ROBO1: variants seen among roughly 807,000 people sequenced by gnomAD.
ROBO1 encodes roundabout homolog 1.
A neutral mutation model predicts 195.9 loss-of-function variants in ROBO1; 149 were observed. That is an observed-to-expected ratio of 0.76 (90% confidence interval 0.67 to 0.87). The LOEUF (loss-of-function observed/expected upper bound fraction) is 0.87, where lower values mean the gene tolerates loss of function less well. Among genes scored for constraint, ROBO1 ranks in the 40% least tolerant of loss-of-function variants. The pLI is 0.00. For missense variants in ROBO1, 1,933 were observed against 2,068.3 expected (o/e 0.93, Z 1.27); for synonymous variants, 816 against 733.2 (o/e 1.11, Z -1.82).
chr3:78,747,096 G>A (rs2082676569), intron 4 of ROBO1, among the ~76,000 whole-genome samples, 196 bp from the exon 5 acceptor site: 1 of 152,100 alleles, frequency 6.6e-6, no homozygotes, highest in Non-Finnish European at 1.5e-5. Context: ...ATACACAGAA[G>A]GGATAATTTG....
chr3:78,671,351 A>T (rs1708055117), intron 10 of ROBO1, among the ~76,000 whole-genome samples: 1 of 152,034 alleles, frequency 6.6e-6, no homozygotes. Context: ...TTAAATATTC[A>T]ACTTGAAAAT....
intron 2 of ROBO1, among the ~76,000 whole-genome samples, chr3:79,447,020 G>A (rs1013450943): frequency 9.2e-5 from 14 of 151,498 alleles, no homozygotes; most frequent in Non-Finnish European, 1.3e-4. Flanking sequence ...TAGTAGAGAC[G>A]GGGTTTCACC....
At chr3:78,794,504 A>T (rs2108542842) in intron 4 of ROBO1, among the ~76,000 whole-genome samples, 1 of 152,330 alleles carries the variant, frequency 6.6e-6, no homozygotes, top group African/African-American at 2.4e-5. Context: ...AAGGCAAGTT[A>T]CAAGGCATAC....
intron 9 of ROBO1, 74 bp from the exon 10 acceptor site, chr3:78,685,991 G>A (rs1042671319): frequency 1.3e-5 from 16 of 1,219,222 alleles, no homozygotes; most frequent in Non-Finnish European, 1.5e-5. Flanking sequence ...TGGCACTTAT[G>A]CATTTACATG....
chr3:79,701,100 T>G (rs886453655), intron 1 of ROBO1, among the ~76,000 whole-genome samples: 1 of 151,894 alleles, frequency 6.6e-6, no homozygotes, highest in Non-Finnish European at 1.5e-5. Context: ...ACATTTTTTA[T>G]TTTTGTCAAC....
At chr3:78,747,649 A>G (rs2082689397) in intron 4 of ROBO1, among the ~76,000 whole-genome samples, 2 of 152,182 alleles carry the variant, frequency 1.3e-5, no homozygotes, top group South Asian at 4.1e-4. Flanking sequence ...TATTAATTCT[A>G]ATTGTACTAC....
intron 2 of ROBO1, among the ~76,000 whole-genome samples, chr3:79,577,252 C>T (rs369580584): frequency 1.3e-5 from 2 of 151,988 alleles, no homozygotes; most frequent in East Asian, 1.9e-4. Context: ...TTCTTTTTAG[C>T]GTCATTTATT....
At chr3:78,969,044 C>T (rs543169216) in intron 3 of ROBO1, among the ~76,000 whole-genome samples, 2 of 152,278 alleles carry the variant, frequency 1.3e-5, no homozygotes, top group Admixed American at 6.5e-5. Context: ...AAGCTGAAAT[C>T]ATCTGATTTT....
At chr3:79,758,692 G>A (rs1268580442) in intron 1 of ROBO1, among the ~76,000 whole-genome samples, 1 of 152,190 alleles carries the variant, frequency 6.6e-6, no homozygotes, top group Admixed American at 6.5e-5. Context: ...GTTGGAAACA[G>A]AGTGGTGTGT....
intron 1 of ROBO1, among the ~76,000 whole-genome samples, chr3:79,735,132 G>GGAA (rs1160538527): frequency 6.6e-6 from 1 of 152,194 alleles, no homozygotes; most frequent in Non-Finnish European, 1.5e-5. Context: ...TGCATCATCT[G>GGAA]GAAGAAACTG....
rs78849441 is a variant in ROBO1, at chr3:79,040,103, T to G, written c.172+85353A>C. 6.6e-4 allele frequency among the ~76,000 whole-genome samples: 101 copies of G among 152,278 alleles called. No individual in the cohort carries two copies. In the East Asian group the frequency reaches 0.014, roughly 21 times the overall value. On this transcript the variant is annotated intron_variant, in intron 3 of 30. Transcript: ENST00000464233. ...GAGAAATATAAGAATTTCTTTCTGA[T>G]CTAGGCTCTCAAAGGACTTCCATTT...
At chr3:78,963,658 T>A (rs972003508) in intron 3 of ROBO1, among the ~76,000 whole-genome samples, 4 of 151,514 alleles carry the variant, frequency 2.6e-5, no homozygotes, top group Non-Finnish European at 4.4e-5. Context: ...AGCTGGGACT[T>A]CAGGCGCCGC....
chr3:79,546,366 T>C (rs1942264432), intron 2 of ROBO1, among the ~76,000 whole-genome samples: 1 of 152,174 alleles, frequency 6.6e-6, no homozygotes, highest in Admixed American at 6.5e-5. Context: ...TGCATGGAGT[T>C]GGTGCCTATA....
intron 2 of ROBO1, among the ~76,000 whole-genome samples, chr3:79,243,983 A>C (rs1164430424): frequency 1.3e-5 from 2 of 152,104 alleles, no homozygotes; most frequent in Admixed American, 1.3e-4. Context: ...TTAAGTCTTT[A>C]ATCCATCTTG....
chr3:79,193,460 C>T lies in ROBO1; in HGVS notation c.89-67921G>A, dbSNP rs529182658. Among the ~76,000 whole-genome samples the T allele has an allele frequency of 4.6e-5, 7 of 151,546 alleles. No homozygotes were observed. The South Asian group carries it at 1.2e-3, about 27-fold the overall frequency. ...AAATCACCAGCTAGTCAGTGCAGAG[C>T]CAGAGGTAGAACAATGGCAGTCAGG... On this transcript the variant is annotated intron_variant, in intron 2 of 30. Transcript: ENST00000464233.
chr3:78,642,767 C>T (rs147679890), intron 21 of ROBO1, among the ~76,000 whole-genome samples: 17 of 152,202 alleles, frequency 1.1e-4, no homozygotes, highest in African/African-American at 3.9e-4. Flanking sequence ...AGTTGGGAAG[C>T]AGTCTCTTTG....
intron 4 of ROBO1, among the ~76,000 whole-genome samples, chr3:78,927,852 A>C (rs2107630815): frequency 6.6e-6 from 1 of 152,330 alleles, no homozygotes; most frequent in African/African-American, 2.4e-5. Flanking sequence ...ACATGGAATT[A>C]GTTTTTCAGC....
At chr3:79,164,269 T>C (rs1445535167) in intron 2 of ROBO1, among the ~76,000 whole-genome samples, 2 of 152,162 alleles carry the variant, frequency 1.3e-5, no homozygotes, top group Non-Finnish European at 2.9e-5. Context: ...GCAGACTATA[T>C]CAGGCAGTGA....
chr3:79,734,781 G>A (rs1216060881), intron 1 of ROBO1, among the ~76,000 whole-genome samples: 1 of 150,700 alleles, frequency 6.6e-6, no homozygotes, highest in Non-Finnish European at 1.5e-5. Flanking sequence ...AACCTCTCAT[G>A]GGCACCAATG....
Sources: allele counts gnomAD v4.1 joint callset (sites outside exome capture counted in the v4.1 genomes callset), GRCh38; gene constraint gnomAD v4.1.1; transcripts MANE v1.5; gene names NCBI Gene and HGNC (gene_info 2026-07-23, HGNC 2026-07-21).